COA1: variants seen among roughly 807,000 people sequenced by gnomAD.
COA1 encodes the protein cytochrome c oxidase assembly factor 1, also known as cytochrome c oxidase assembly factor 1 homolog.
COA1 carries 13 observed loss-of-function variants against 16.0 expected under a neutral mutation model. The observed-to-expected ratio is 0.81, with a 90% CI of 0.53 to 1.29. The LOEUF (loss-of-function observed/expected upper bound fraction) is 1.29, where lower values mean the gene tolerates loss of function less well. Among genes scored for constraint, COA1 ranks in the 50% most tolerant of loss-of-function variants. The pLI, the probability that COA1 is intolerant of heterozygous loss-of-function variation, is 0.00. For missense variants in COA1, 179 were observed against 177.0 expected (o/e 1.01, Z -0.06); for synonymous variants, 65 against 65.7 (o/e 0.99, Z 0.05).
intron 1 of COA1, among the ~76,000 whole-genome samples, chr7:43,704,821 G>A (rs868581365): frequency 6.6e-6 from 1 of 152,082 alleles, no homozygotes; most frequent in Non-Finnish European, 1.5e-5. Flanking sequence ...TTTTCAGCCC[G>A]GTTAAGAACC....
At chr7:43,609,808 C>A (rs542752693) in intron 6 of COA1, among the ~76,000 whole-genome samples, 1 of 152,330 alleles carries the variant, frequency 6.6e-6, no homozygotes, top group East Asian at 1.9e-4. Context: ...AAAAAACTTT[C>A]CCATCCTGAA....
intron 6 of COA1, among the ~76,000 whole-genome samples, chr7:43,615,016 G>A (rs948933585): frequency 2.0e-5 from 3 of 152,138 alleles, no homozygotes; most frequent in Admixed American, 6.5e-5. Context: ...CTCAAGATTT[G>A]GTGAAGATTT....
intron 6 of COA1, among the ~76,000 whole-genome samples, chr7:43,627,839 C>G (rs2084735794): frequency 1.3e-5 from 2 of 152,218 alleles, no homozygotes; most frequent in Admixed American, 1.3e-4. Flanking sequence ...CACTCCTGTT[C>G]TGTTGCACTG....
Position 43,660,894 on chromosome 7 carries a change from GAAT to G in COA1, c.-38-12245_-38-12243del, listed in dbSNP as rs1224257385. 3.3e-5 allele frequency among the ~76,000 whole-genome samples: 5 copies of G among 152,186 alleles called. 1 individual carries two copies. In the East Asian group the frequency reaches 7.7e-4, roughly 24 times the overall value. On this transcript the variant is annotated intron_variant, in intron 1 of 5. Coordinates refer to ENST00000223336, the MANE Select transcript of COA1 (RefSeq NM_018224.4). ...CTTCAATGGCTCCCCATCCTATTCAGAATAAAATCTAAGCTTCTTTGCATTACA... is the reference window on the plus strand; with the variant it reads ...CTTCAATGGCTCCCCATCCTATTCAGAAAATCTAAGCTTCTTTGCATTACA...
At chr7:43,677,411 A>T (rs1160179215) in intron 1 of COA1, among the ~76,000 whole-genome samples, 1 of 152,254 alleles carries the variant, frequency 6.6e-6, no homozygotes, top group African/African-American at 2.4e-5. Context: ...ATTATTATTT[A>T]GTAAGTTTTG....
At chr7:43,673,195 G>A (rs2093355644) in intron 1 of COA1, among the ~76,000 whole-genome samples, 1 of 152,224 alleles carries the variant, frequency 6.6e-6, no homozygotes, top group Non-Finnish European at 1.5e-5. Flanking sequence ...CTTCTGTGCA[G>A]CAAAGAAACT....
chr7:43,691,251 AAAAAGAAAGAAAG>A (rs1400724336), intron 1 of COA1, among the ~76,000 whole-genome samples: 19 of 114,206 alleles, frequency 1.7e-4, no homozygotes, highest in Non-Finnish European at 2.9e-4. Flanking sequence ...CTTGACTCAA[AAAAAGAAAGAAAG>A]AAAAGAAAGA....
chr7:43,682,365 G>A (rs1043700403), intron 1 of COA1, among the ~76,000 whole-genome samples: 2 of 152,192 alleles, frequency 1.3e-5, no homozygotes, highest in East Asian at 3.8e-4. Context: ...GAAACTGGAA[G>A]AAAGCATATC....
At chr7:43,696,002 C>T (rs776183612) in intron 1 of COA1, among the ~76,000 whole-genome samples, 7 of 152,128 alleles carry the variant, frequency 4.6e-5, no homozygotes, top group Non-Finnish European at 1.0e-4. Context: ...GAGGTTTAAT[C>T]GACATACAGT....
At chr7:43,677,771 A>C (rs2093600768) in intron 1 of COA1, among the ~76,000 whole-genome samples, 1 of 144,652 alleles carries the variant, frequency 6.9e-6, no homozygotes, top group Non-Finnish European at 1.5e-5. Flanking sequence ...ACTGCACTCT[A>C]GCCTGGGTGA....
intron 1 of COA1, among the ~76,000 whole-genome samples, chr7:43,705,495 C>T (rs1452361229): frequency 1.3e-5 from 2 of 152,228 alleles, no homozygotes; most frequent in African/African-American, 4.8e-5. Context: ...CAAGCAGGTA[C>T]AGCCAGGCAG....
chr7:43,706,198 AATACTT>A (rs1378004750), intron 1 of COA1, among the ~76,000 whole-genome samples: 5 of 151,782 alleles, frequency 3.3e-5, no homozygotes, highest in African/African-American at 1.2e-4. Flanking sequence ...CTTTTACACA[AATACTT>A]AGAGCATTTT....
intron 1 of COA1, among the ~76,000 whole-genome samples, chr7:43,682,102 G>C (rs1318096356): frequency 6.6e-6 from 1 of 152,170 alleles, no homozygotes; most frequent in African/African-American, 2.4e-5. Flanking sequence ...GAACGAAATA[G>C]TGCAAGTTCC....
intron 1 of COA1, among the ~76,000 whole-genome samples, chr7:43,701,611 C>T (rs1295563499): frequency 6.6e-6 from 1 of 152,140 alleles, no homozygotes; most frequent in Admixed American, 6.5e-5. Context: ...AATTTACATT[C>T]CTTTGGGGTT....
At chr7:43,710,375 A>AAAAAAAAAT (rs761592421) in intron 1 of COA1, among the ~76,000 whole-genome samples, 6 of 36,432 alleles carry the variant, frequency 1.6e-4, no homozygotes, top group Non-Finnish European at 2.8e-4. Flanking sequence ...AAAAAAAAAA[A>AAAAAAAAAT]ATATATATAT....
intron 1 of COA1, among the ~76,000 whole-genome samples, chr7:43,691,714 GTCTC>G (rs2094377983): frequency 6.6e-6 from 1 of 152,152 alleles, no homozygotes; most frequent in Non-Finnish European, 1.5e-5. Context: ...ACAGAAAAAA[GTCTC>G]TCTGTGAGAA....
chr7:43,662,200 C>T lies in COA1; in HGVS notation c.-38-13548G>A, dbSNP rs930652871. On this transcript the variant is annotated intron_variant, in intron 1 of 5. Transcript: ENST00000223336. ...AACATGCTCCTCCCTTTTCCAACTA[C>T]GCATCTATTTGAGGACAGATTATTT... Among the ~76,000 whole-genome samples the T allele has an allele frequency of 2.6e-5, 4 of 152,178 alleles. No homozygotes were observed. In the East Asian group the frequency reaches 5.8e-4, roughly 22 times the overall value.
At chr7:43,644,745 G>GATAGATAGATAGATAGATAC (rs2088434917) in intron 4 of COA1, among the ~76,000 whole-genome samples, 3 of 99,508 alleles carry the variant, frequency 3.0e-5, no homozygotes, top group African/African-American at 1.1e-4. Context: ...TAGATAGATA[G>GATAGATAGATAGATAGATAC]ATAGATAGAT....
At chr7:43,698,037 AC>A (rs1311714047) in intron 1 of COA1, among the ~76,000 whole-genome samples, 1 of 152,202 alleles carries the variant, frequency 6.6e-6, no homozygotes, top group East Asian at 1.9e-4. Context: ...TTTTACCAAA[AC>A]CAGAAAGCGC....
Sources: allele counts gnomAD v4.1 joint callset (sites outside exome capture counted in the v4.1 genomes callset), GRCh38; gene constraint gnomAD v4.1.1; transcripts MANE v1.5; gene names NCBI Gene and HGNC (gene_info 2026-07-23, HGNC 2026-07-21).